Variants in ABI3BP observed in about 807,000 individuals in gnomAD.
ABI3BP encodes target of Nesh-SH3.
In ABI3BP, 216 loss-of-function variants were observed where a neutral mutation model predicts 268.6. That is an observed-to-expected ratio of 0.80 (90% confidence interval 0.72 to 0.90). The LOEUF is 0.90. Ranked by LOEUF, ABI3BP falls within the 40% of genes least tolerant of loss-of-function variation. ABI3BP has a pLI of 0.00. For missense variants in ABI3BP, 2,090 were observed against 2,182.4 expected, an observed-to-expected ratio of 0.96 and a Z score of 0.84; for synonymous variants, 730 against 730.0, an observed-to-expected ratio of 1.00 and a Z score of 0.00.
intron 27 of ABI3BP, among the ~76,000 whole-genome samples, chr3:100,836,665 T>C (rs1327555014): frequency 6.6e-6 from 1 of 152,196 alleles, no homozygotes; most frequent in Non-Finnish European, 1.5e-5. Flanking sequence ...GAAAGATCAA[T>C]TTGCATATGA....
At chr3:100,840,904 G>A in intron 21 of ABI3BP, 46 bp from the exon 22 acceptor site, 1 of 1,446,644 alleles carries the variant, frequency 6.9e-7, no homozygotes. Flanking sequence ...AAGATCAAAG[G>A]AAAAATGACA....
chr3:100,986,389 C>A (rs1399285205), intron 1 of ABI3BP, among the ~76,000 whole-genome samples: 4 of 152,180 alleles, frequency 2.6e-5, no homozygotes, highest in Non-Finnish European at 5.9e-5. Context: ...GGCTCAGACT[C>A]CTAACTCACA....
chr3:100,840,936 G>A (rs2098686792), intron 21 of ABI3BP, 78 bp from the exon 22 acceptor site: 2 of 1,199,434 alleles, frequency 1.7e-6, no homozygotes, highest in South Asian at 2.8e-5. Flanking sequence ...CATGGAATAT[G>A]CTTAATTTTT....
chr3:100,944,647 G>A (rs140674045), intron 1 of ABI3BP, among the ~76,000 whole-genome samples: 1 of 152,260 alleles, frequency 6.6e-6, no homozygotes, highest in African/African-American at 2.4e-5. Flanking sequence ...AAAAACATGA[G>A]ATGAAACTGG....
At chr3:100,794,664 T>C (rs1204797917) in intron 54 of ABI3BP, among the ~76,000 whole-genome samples, 1 of 151,954 alleles carries the variant, frequency 6.6e-6, no homozygotes, top group African/African-American at 2.4e-5. Flanking sequence ...TACTTAAAAT[T>C]CTTAAGTATT....
At position 100,913,138 on chromosome 3, in the gene ABI3BP, C is replaced by T. The variant is rs181384740; in HGVS notation, c.260-10452G>A. ...AGGGGGACCAACTTTGCACTCCACC[C>T]ACCCCACCCATTGTCCTATTCCGGT... On this transcript the variant is annotated intron_variant, in intron 2 of 67. Coordinates refer to ENST00000471714, the MANE Select transcript of ABI3BP (RefSeq NM_001375547.2). Among the ~76,000 whole-genome samples, 368 of 152,302 alleles carry T rather than the reference C, an allele frequency of 2.4e-3. 1 individual carries two copies. The highest frequency in any genetic ancestry group is 8.4e-3 in the African/African-American group (348 of 41,552).
rs1024509630 is a variant in ABI3BP, at chr3:100,752,949, C to T, written c.4961-1G>A. 38 of 1,607,962 alleles carry T rather than the reference C, an allele frequency of 2.4e-5. No homozygotes were observed. Among genetic ancestry groups the T allele is most frequent in the Non-Finnish European group, 3.1e-5 (37 of 1,177,456 alleles). On this transcript the variant is annotated splice_acceptor_variant, in intron 65 of 67. Transcript: ENST00000471714. LOFTEE classifies it high-confidence loss of function. ...TCAGTCCAGATGGCATCTCTTCCTG[C>T]TACAAAAGGAAAATAGTTTGAGTTT...
At chr3:100,981,319 T>C (rs899487278) in intron 1 of ABI3BP, among the ~76,000 whole-genome samples, 1 of 151,532 alleles carries the variant, frequency 6.6e-6, no homozygotes, top group African/African-American at 2.4e-5. Context: ...GAGTCAGCTG[T>C]GAGGCAAGGA....
chr3:100,861,044 C>T (rs550097321), intron 14 of ABI3BP, among the ~76,000 whole-genome samples: 4 of 152,202 alleles, frequency 2.6e-5, no homozygotes, highest in South Asian at 2.1e-4. Flanking sequence ...TAGACCCAGG[C>T]GACTTGGATT....
chr3:100,843,727 T>A lies in ABI3BP; in HGVS notation c.1724-1688A>T, dbSNP rs2098736383. ...CTATAGGACAAGAAGAAAATAAACA[T>A]CAATACATGAAATACAATAAATATC... is the stretch of plus-strand genomic sequence containing the variant. On this transcript the variant is annotated intron_variant, in intron 20 of 67. Coordinates refer to ENST00000471714, the MANE Select transcript of ABI3BP (RefSeq NM_001375547.2). 3 of 983,342 alleles carry A rather than the reference T, an allele frequency of 3.1e-6. No individual in the cohort carries two copies. The South Asian group carries it at 1.4e-4, about 46-fold the overall frequency. The allele number at this position is 983,342 out of a possible 1,614,324, so 60.9% of individuals were successfully genotyped here.
chr3:100,835,564 G>A (rs1560603478), intron 28 of ABI3BP, 37 bp downstream of exon 28: 1 of 1,483,948 alleles, frequency 6.7e-7, no homozygotes, highest in Admixed American at 2.0e-5. Flanking sequence ...ACAATGAGCA[G>A]AAAAAACTCA....
intron 1 of ABI3BP, among the ~76,000 whole-genome samples, chr3:100,961,559 G>A (rs780771673): frequency 6.6e-6 from 1 of 152,170 alleles, no homozygotes; most frequent in African/African-American, 2.4e-5. Context: ...CATAATTAGA[G>A]CTACATCAAG....
chr3:100,773,565 C>A (rs561786749), intron 61 of ABI3BP, among the ~76,000 whole-genome samples: 1 of 152,186 alleles, frequency 6.6e-6, no homozygotes, highest in Non-Finnish European at 1.5e-5. Flanking sequence ...TATATAAACA[C>A]TTATATGTCA....
intron 2 of ABI3BP, among the ~76,000 whole-genome samples, chr3:100,917,550 C>T (rs752103032): frequency 6.6e-6 from 1 of 152,152 alleles, no homozygotes; most frequent in Non-Finnish European, 1.5e-5. Flanking sequence ...GACCCCTTCT[C>T]CATAGCAAGA....
intron 43 of ABI3BP, chr3:100,816,348 G>T (rs1270350118): frequency 6.0e-5 from 27 of 448,770 alleles, no homozygotes; most frequent in Non-Finnish European, 4.8e-5. Flanking sequence ...ATAAATGCCT[G>T]TTTATGTAAT....
At chr3:100,910,073 G>A (rs1324807559) in intron 2 of ABI3BP, among the ~76,000 whole-genome samples, 2 of 152,154 alleles carry the variant, frequency 1.3e-5, no homozygotes, top group East Asian at 3.8e-4. Context: ...TATACACTAT[G>A]CAGCCATAAA....
At chr3:100,760,502 AC>A (rs1187550414) in intron 63 of ABI3BP, among the ~76,000 whole-genome samples, 2 of 152,104 alleles carry the variant, frequency 1.3e-5, no homozygotes, top group Non-Finnish European at 2.9e-5. Flanking sequence ...AGATTTAAAG[AC>A]AAAAAAAAAT....
chr3:100,848,813 T>G lies in ABI3BP; in HGVS notation c.1564A>C (p.Arg522=). 2 of 1,613,094 alleles carry G rather than the reference T, an allele frequency of 1.2e-6. No individual in the cohort carries two copies. Among genetic ancestry groups the G allele is most frequent in the South Asian group, 2.2e-5 (2 of 91,004 alleles). Residue 522 remains arginine (R), a synonymous_variant, in exon 18 of 68, where the codon AGA becomes CGA. Coordinates refer to ENST00000471714, the MANE Select transcript of ABI3BP (RefSeq NM_001375547.2). The stretch of plus-strand genomic sequence containing the variant: ...AAGAGACATTTACCAGGTTTGGTTC[T>G]TGGCGGTTTGGGCCGGGGGCGTCGT... ...PKRRPRPKPP[R]TKPERTTSAG...
intron 4 of ABI3BP, among the ~76,000 whole-genome samples, chr3:100,890,593 C>A (rs2044125354): frequency 6.6e-6 from 1 of 152,058 alleles, no homozygotes; most frequent in Non-Finnish European, 1.5e-5. Context: ...TTCTCTTAAA[C>A]CTGCCACTAT....
Sources: allele counts gnomAD v4.1 joint callset (sites outside exome capture counted in the v4.1 genomes callset), GRCh38; gene constraint gnomAD v4.1.1; transcripts MANE v1.5; gene names NCBI Gene and HGNC (gene_info 2026-07-23, HGNC 2026-07-21).